SCHIP1: variants seen among roughly 807,000 people sequenced by gnomAD.
SCHIP1 encodes schwannomin interacting protein 1.
In SCHIP1, 8 loss-of-function variants were observed where a neutral mutation model predicts 29.7. The observed-to-expected ratio is 0.27, with a 90% confidence interval of 0.16 to 0.49. The LOEUF is 0.49. Among genes scored for constraint, SCHIP1 ranks in the 20% least tolerant of loss-of-function variants. The pLI is 0.99. For synonymous variants in SCHIP1, 76 were observed against 94.9 expected, an observed-to-expected ratio of 0.80 and a Z score of 1.16; for missense variants, 193 against 294.6, an observed-to-expected ratio of 0.66 and a Z score of 2.52.
the SCHIP1 span, among the ~76,000 whole-genome samples, chr3:159,551,873 T>C: frequency 9.1e-3 from 1,391 of 152,090 alleles, 16 homozygotes; most frequent in African/African-American, 0.032. Context: ...TTATCCCCAG[T>C]TGATGTTACT....
At chr3:159,327,188 C>T in the SCHIP1 span, among the ~76,000 whole-genome samples, 3 of 152,162 alleles carry the variant, frequency 2.0e-5, no homozygotes, top group African/African-American at 7.2e-5. Context: ...TCAGGAAGGA[C>T]ATGGACTTTG....
the SCHIP1 span, among the ~76,000 whole-genome samples, chr3:159,821,388 G>C: frequency 6.6e-5 from 10 of 152,272 alleles, 1 homozygote; most frequent in Middle Eastern, 0.014. Flanking sequence ...TGAGGTTAGT[G>C]GTCATGAATT....
At chr3:159,573,423 GT>G in the SCHIP1 span, among the ~76,000 whole-genome samples, 1 of 152,166 alleles carries the variant, frequency 6.6e-6, no homozygotes, top group Admixed American at 6.5e-5. Context: ...TTTTAAGAAT[GT>G]TGAATATTGG....
chr3:159,529,920 T>C, the SCHIP1 span, among the ~76,000 whole-genome samples: 1 of 152,230 alleles, frequency 6.6e-6, no homozygotes, highest in Non-Finnish European at 1.5e-5. Context: ...TCCATATTGC[T>C]GCAAATGACA....
At chr3:159,887,353 T>C (rs2109447215) in intron 3 of SCHIP1, 1 of 241,422 alleles carries the variant, frequency 4.1e-6, no homozygotes, top group Non-Finnish European at 8.2e-6. Flanking sequence ...ACTGGATACA[T>C]GAGATCCTGT....
chr3:159,658,962 T>C, the SCHIP1 span, among the ~76,000 whole-genome samples: 1 of 152,212 alleles, frequency 6.6e-6, no homozygotes, highest in Non-Finnish European at 1.5e-5. Flanking sequence ...TTTCCCAAAA[T>C]ATACCAACAT....
At chr3:159,723,726 G>A in the SCHIP1 span, among the ~76,000 whole-genome samples, 1 of 152,154 alleles carries the variant, frequency 6.6e-6, no homozygotes. Context: ...GCTAGGATGA[G>A]GCTAATCTAT....
At chr3:159,635,360 G>A in the SCHIP1 span, among the ~76,000 whole-genome samples, 1 of 152,156 alleles carries the variant, frequency 6.6e-6, no homozygotes, top group African/African-American at 2.4e-5. Context: ...GGGACTCGAG[G>A]GGCAACGATG....
At chr3:159,579,623 G>A in the SCHIP1 span, among the ~76,000 whole-genome samples, 1 of 152,132 alleles carries the variant, frequency 6.6e-6, no homozygotes, top group Non-Finnish European at 1.5e-5. Context: ...TTGAGAGGAA[G>A]GAATAACTGC....
At chr3:159,751,834 C>T in the SCHIP1 span, among the ~76,000 whole-genome samples, 5 of 152,180 alleles carry the variant, frequency 3.3e-5, no homozygotes, top group African/African-American at 1.2e-4. Context: ...AGGTGTGAGA[C>T]ACCACGCCCA....
At chr3:159,577,003 C>G in the SCHIP1 span, among the ~76,000 whole-genome samples, 1 of 152,066 alleles carries the variant, frequency 6.6e-6, no homozygotes, top group Non-Finnish European at 1.5e-5. Context: ...AAAATCTAGA[C>G]TTCTGTATTG....
the SCHIP1 span, among the ~76,000 whole-genome samples, chr3:159,677,831 C>T: frequency 6.6e-6 from 1 of 152,098 alleles, no homozygotes; most frequent in Non-Finnish European, 1.5e-5. Flanking sequence ...TCTATAGTTG[C>T]TCATCTTTTT....
the SCHIP1 span, among the ~76,000 whole-genome samples, chr3:159,460,560 GTC>G: frequency 6.6e-6 from 1 of 152,186 alleles, no homozygotes; most frequent in East Asian, 1.9e-4. Flanking sequence ...GCACAAAAGA[GTC>G]TGTTGTATCT....
At chr3:159,541,910 A>C in the SCHIP1 span, among the ~76,000 whole-genome samples, 3 of 152,086 alleles carry the variant, frequency 2.0e-5, no homozygotes, top group Non-Finnish European at 4.4e-5. Flanking sequence ...GCTTTGAAAT[A>C]TGTCGCACAC....
the SCHIP1 span, among the ~76,000 whole-genome samples, chr3:159,298,663 C>A: frequency 6.6e-6 from 1 of 152,134 alleles, no homozygotes; most frequent in Non-Finnish European, 1.5e-5. Flanking sequence ...GCACCTGAAG[C>A]CACTCAAACA....
chr3:159,399,201 C>T, the SCHIP1 span, among the ~76,000 whole-genome samples: 2 of 152,160 alleles, frequency 1.3e-5, no homozygotes, highest in African/African-American at 2.4e-5. Flanking sequence ...GCTCATTCTC[C>T]TTCTCAATGT....
At chr3:159,831,024 C>A in the SCHIP1 span, among the ~76,000 whole-genome samples, 28 of 152,172 alleles carry the variant, frequency 1.8e-4, no homozygotes, top group Admixed American at 1.8e-3. Context: ...CACTTAGACA[C>A]AAGGTATCTG....
At chr3:159,508,162 C>G in the SCHIP1 span, among the ~76,000 whole-genome samples, 2 of 152,288 alleles carry the variant, frequency 1.3e-5, no homozygotes, top group African/African-American at 4.8e-5. Flanking sequence ...TTGGTCTAAT[C>G]AGAGATTCAA....
chr3:159,666,467 G>C, the SCHIP1 span, among the ~76,000 whole-genome samples: 1 of 152,148 alleles, frequency 6.6e-6, no homozygotes, highest in Non-Finnish European at 1.5e-5. Flanking sequence ...TGAATAAATA[G>C]AATGCTTGTT....
Sources: allele counts gnomAD v4.1 joint callset (sites outside exome capture counted in the v4.1 genomes callset), GRCh38; gene constraint gnomAD v4.1.1; transcripts MANE v1.5; gene names NCBI Gene and HGNC (gene_info 2026-07-23, HGNC 2026-07-21).